The following LRRIQ3 variants were observed in gnomAD, a reference collection of about 807,000 sequenced individuals.
LRRIQ3 encodes the protein leucine-rich repeat and IQ domain-containing protein 3.
LRRIQ3 carries 75 observed loss-of-function variants against 59.3 expected under a neutral mutation model. That is an observed-to-expected ratio of 1.26 (90% CI 1.05 to 1.53). The LOEUF (loss-of-function observed/expected upper bound fraction) is 1.53. Among genes scored for constraint, LRRIQ3 ranks in the 40% most tolerant of loss-of-function variants. The pLI is 0.00. For synonymous variants in LRRIQ3, 250 were observed against 231.3 expected, an observed-to-expected ratio of 1.08 and a Z score of -0.73; for missense variants, 831 against 710.0, an observed-to-expected ratio of 1.17 and a Z score of -1.94.
At chr1:74,105,715 G>A (rs755522627) in intron 5 of LRRIQ3, among the ~76,000 whole-genome samples, 8 of 151,894 alleles carry the variant, frequency 5.3e-5, no homozygotes, top group South Asian at 2.1e-4. Flanking sequence ...AGGGAGAATT[G>A]TATATGAGAA....
At chr1:74,142,391 T>G (rs573728396) in intron 4 of LRRIQ3, among the ~76,000 whole-genome samples, 1 of 152,062 alleles carries the variant, frequency 6.6e-6, no homozygotes, top group Admixed American at 6.6e-5. Flanking sequence ...TAGCATATTC[T>G]CCTCCTAATA....
intron 4 of LRRIQ3, among the ~76,000 whole-genome samples, chr1:74,110,528 C>A (rs762488910): frequency 2.0e-5 from 3 of 151,928 alleles, no homozygotes; most frequent in Admixed American, 6.6e-5. Flanking sequence ...TCAAAAGAAA[C>A]CACATCAATA....
At chr1:74,085,089 A>T (rs1646312894) in intron 5 of LRRIQ3, among the ~76,000 whole-genome samples, 1 of 151,778 alleles carries the variant, frequency 6.6e-6, no homozygotes, top group Non-Finnish European at 1.5e-5. Context: ...TCCCACCCAC[A>T]TACAAATATC....
At chr1:74,091,762 A>T (rs1435627680) in intron 5 of LRRIQ3, among the ~76,000 whole-genome samples, 1 of 152,074 alleles carries the variant, frequency 6.6e-6, no homozygotes, top group African/African-American at 2.4e-5. Flanking sequence ...GAAAGTATCT[A>T]TTTTATTTTA....
rs745972660 is a variant in LRRIQ3, at chr1:74,182,783, C to A, written c.328G>T (p.Ala110Ser). 2 of 1,610,000 alleles carry A rather than the reference C, an allele frequency of 1.2e-6. No homozygotes were observed. The highest frequency in any genetic ancestry group is 1.7e-6 in the Non-Finnish European group (2 of 1,177,604). ...KLLYLHDNGF[A>S]KLKNICVLSA... Reference sequence around the variant, plus strand: ...AATACACATATATTCTTTAACTTTGCAAACCCATTGTCATGAAGATAGAGT... The same window carrying A: ...AATACACATATATTCTTTAACTTTGAAAACCCATTGTCATGAAGATAGAGT... The change falls in exon 3 of 8, where the codon GCA becomes TCA. Residue 110 changes from alanine (A) to serine (S), a missense_variant. Transcript: ENST00000354431.
At chr1:74,134,318 T>C (rs1647081871) in intron 4 of LRRIQ3, among the ~76,000 whole-genome samples, 1 of 152,074 alleles carries the variant, frequency 6.6e-6, no homozygotes, top group South Asian at 2.1e-4. Context: ...CATTTTAGCC[T>C]GGTGCTGCTC....
In LRRIQ3 at chr1:74,144,417, T is replaced by C. The variant is rs567210796; in HGVS notation, c.707+11316A>G. 93 of 329,178 alleles carry C rather than the reference T, an allele frequency of 2.8e-4. 1 individual carries two copies. Among genetic ancestry groups the C allele is most frequent in the Non-Finnish European group, 4.9e-4 (80 of 163,272 alleles). 20.4% of individuals were successfully genotyped at this position (329,178 alleles called of 1,614,324 possible). On this transcript the variant is annotated intron_variant, in intron 4 of 7. Coordinates refer to ENST00000354431, the MANE Select transcript of LRRIQ3 (RefSeq NM_001105659.2). ...GAAACATTTCTTTATTTTCAATAGA[T>C]TTTATATTTCAAGGAAACTAGATTA...
At chr1:74,055,642 A>G (rs1557595692) in intron 6 of LRRIQ3, among the ~76,000 whole-genome samples, 1 of 151,892 alleles carries the variant, frequency 6.6e-6, no homozygotes. Context: ...ATTTGTTTCC[A>G]CCTTTGAACT....
In LRRIQ3 at chr1:74,163,406, T is replaced by C. The variant is rs574338160; in HGVS notation, c.574-7540A>G. Among the ~76,000 whole-genome samples, 4 of 151,714 alleles carry C rather than the reference T, an allele frequency of 2.6e-5. No individual in the cohort carries two copies. The South Asian group carries it at 8.3e-4, about 31-fold the overall frequency. ...ACTGAGGTACAAGATGGCTGTGTTT[T>C]ATTAACTGTAAACCCAGGGCATAGA... On this transcript the variant is annotated intron_variant, in intron 3 of 7. Coordinates refer to ENST00000354431, the MANE Select transcript of LRRIQ3 (RefSeq NM_001105659.2).
intron 4 of LRRIQ3, among the ~76,000 whole-genome samples, chr1:74,138,911 C>A (rs1172985722): frequency 6.6e-6 from 1 of 151,590 alleles, no homozygotes; most frequent in East Asian, 2.0e-4. Context: ...AGTGGCTGGG[C>A]GTGGTGGCTC....
chr1:74,188,792 T>C (rs1311451089), intron 1 of LRRIQ3, among the ~76,000 whole-genome samples: 2 of 152,134 alleles, frequency 1.3e-5, no homozygotes, highest in Non-Finnish European at 1.5e-5. Flanking sequence ...CAGCAAACTA[T>C]GGGGAAGGAA....
At chr1:74,064,194 G>A (rs1158235704) in intron 6 of LRRIQ3, among the ~76,000 whole-genome samples, 1 of 151,738 alleles carries the variant, frequency 6.6e-6, no homozygotes, top group Non-Finnish European at 1.5e-5. Context: ...ATGAAAAGTG[G>A]AGAGCAAGTA....
intron 4 of LRRIQ3, among the ~76,000 whole-genome samples, chr1:74,150,471 T>G (rs1647859889): frequency 6.6e-6 from 1 of 152,182 alleles, no homozygotes; most frequent in Non-Finnish European, 1.5e-5. Context: ...CTCCTTATCT[T>G]GCTCCCCATT....
intron 4 of LRRIQ3, among the ~76,000 whole-genome samples, chr1:74,150,351 T>C (rs184739874): frequency 2.6e-5 from 4 of 152,264 alleles, no homozygotes; most frequent in Non-Finnish European, 4.4e-5. Flanking sequence ...CCCTCTTACA[T>C]AGAACTGAAT....
intron 5 of LRRIQ3, among the ~76,000 whole-genome samples, chr1:74,103,541 C>T (rs1259869988): frequency 6.6e-6 from 1 of 151,890 alleles, no homozygotes; most frequent in East Asian, 1.9e-4. Flanking sequence ...AGGAAACACA[C>T]TATTTCACAA....
At chr1:74,187,116 T>A (rs149923375) in intron 1 of LRRIQ3, among the ~76,000 whole-genome samples, 1 of 152,086 alleles carries the variant, frequency 6.6e-6, no homozygotes, top group Admixed American at 6.6e-5. Flanking sequence ...GAAAACAGTA[T>A]GGAAATTCCT....
At chr1:74,061,455 G>A (rs1438773098) in intron 6 of LRRIQ3, among the ~76,000 whole-genome samples, 1 of 152,026 alleles carries the variant, frequency 6.6e-6, no homozygotes, top group East Asian at 1.9e-4. Context: ...AAATTCGTAT[G>A]GAACCAAAAT....
chr1:74,072,444 T>C (rs1655053080), intron 6 of LRRIQ3, among the ~76,000 whole-genome samples: 1 of 152,060 alleles, frequency 6.6e-6, no homozygotes, highest in African/African-American at 2.4e-5. Flanking sequence ...TGGGCTTTGG[T>C]GATCCCATGA....
chr1:74,113,477 T>C (rs10789389), intron 4 of LRRIQ3, among the ~76,000 whole-genome samples: 81,097 of 151,832 alleles, frequency 0.53, 22,043 homozygotes, highest in East Asian at 0.82. Flanking sequence ...AGTAAAATTA[T>C]TGAAATCTAA....
Sources: allele counts gnomAD v4.1 joint callset (sites outside exome capture counted in the v4.1 genomes callset), GRCh38; gene constraint gnomAD v4.1.1; transcripts MANE v1.5; gene names NCBI Gene and HGNC (gene_info 2026-07-23, HGNC 2026-07-21).